The following ITGAL variants were observed in gnomAD, a reference collection of about 807,000 sequenced individuals.
The protein encoded by ITGAL is integrin subunit alpha L, also known as integrin alpha-L.
A neutral mutation model predicts 138.4 loss-of-function variants in ITGAL; 68 were observed. The observed-to-expected ratio is 0.49, with a 90% CI of 0.40 to 0.60. ITGAL has a LOEUF of 0.60. Ranked by LOEUF, ITGAL falls within the 20% of genes least tolerant of loss-of-function variation. The pLI is 0.00. For missense variants in ITGAL, 1,256 were observed against 1,478.6 expected (o/e 0.85, Z 2.47); for synonymous variants, 561 against 584.3 (o/e 0.96, Z 0.57).
At chr16:30,513,901 G>A (rs577224675) in intron 25 of ITGAL, 55 bp downstream of exon 25, 26 of 1,328,840 alleles carry the variant, frequency 2.0e-5, no homozygotes, top group South Asian at 1.4e-4. Flanking sequence ...TCTTTATCCC[G>A]GGGACTGAGG....
At chr16:30,519,759 C>T (rs781434882) in intron 29 of ITGAL, 98 bp from the exon 30 acceptor site, 5 of 781,200 alleles carry the variant, frequency 6.4e-6, no homozygotes, top group Non-Finnish European at 6.9e-6. Flanking sequence ...GCGGGTGATG[C>T]AGTCCGGATA....
chr16:30,494,399 C>CGTA lies in ITGAL; in HGVS notation c.1365+36_1365+37insGTA. 6.4e-7 allele frequency: 1 copy of CGTA among 1,566,586 alleles called. No homozygotes were observed. On this transcript the variant is annotated intron_variant, in intron 12 of 30. Transcript: ENST00000356798. The surrounding 1 kb of genome is among the most constrained non-coding windows in gnomAD (Gnocchi z 4.2). ...TCCGAGGGCATCTGCAGACCAGGGACTGGCGGGACACACATCACACTCCCT... is the reference window on the plus strand; with the variant it reads ...TCCGAGGGCATCTGCAGACCAGGGACGTATGGCGGGACACACATCACACTCCCT...
chr16:30,483,588 G>C (rs889840112), intron 7 of ITGAL, among the ~76,000 whole-genome samples: 2 of 152,292 alleles, frequency 1.3e-5, no homozygotes, highest in East Asian at 3.9e-4. Context: ...TCCTGTCCAT[G>C]GGCTCTGGGA....
chr16:30,512,928 T>G (rs973952119), intron 24 of ITGAL, among the ~76,000 whole-genome samples: 1 of 152,302 alleles, frequency 6.6e-6, no homozygotes, highest in Admixed American at 6.5e-5. Context: ...CTTAAACTCC[T>G]GAACTCAGGT....
intron 2 of ITGAL, 95 bp downstream of exon 2, chr16:30,474,393 G>A (rs1388774745): frequency 7.3e-6 from 6 of 822,994 alleles, no homozygotes; most frequent in African/African-American, 3.4e-5. Context: ...GGGCTAGTCG[G>A]TGGCACGAGG....
At chr16:30,515,844 T>C (rs2151205999) in intron 25 of ITGAL, among the ~76,000 whole-genome samples, 1 of 152,154 alleles carries the variant, frequency 6.6e-6, no homozygotes, top group East Asian at 1.9e-4. Context: ...TGGTGGTGTG[T>C]GCCTGTAGTC....
In ITGAL at chr16:30,519,706, G is replaced by A. The variant is rs892023274; in HGVS notation, c.3229-151G>A. On this transcript the variant is annotated intron_variant, in intron 29 of 30. Transcript: ENST00000356798. ...CCAACTCATGGCAGCGACTGCAATA[G>A]GTGACGTGTTAAAGGGAGAGGGTCT... 8.9e-6 allele frequency: 6 copies of A among 674,846 alleles called. No homozygotes were observed. The East Asian group carries it at 1.5e-4, about 17-fold the overall frequency. The allele number at this position is 674,846 out of a possible 1,614,324, so 41.8% of individuals were successfully genotyped here. A position where few individuals can be genotyped will look rare whatever the true frequency, so the allele number is the denominator to read the frequency against.
intron 21 of ITGAL, among the ~76,000 whole-genome samples, chr16:30,507,230 C>G (rs1353022373): frequency 6.6e-6 from 1 of 151,962 alleles, no homozygotes; most frequent in Non-Finnish European, 1.5e-5. Flanking sequence ...GAGGCCGAGG[C>G]GGGCGGATCA....
In ITGAL at chr16:30,511,056, T is replaced by C; in HGVS notation, c.2706T>C (p.Asn902=). The change falls in exon 24 of 31, where the codon AAT becomes AAC. Residue 902 remains asparagine, a synonymous_variant. Coordinates refer to ENST00000356798, the MANE Select transcript of ITGAL (RefSeq NM_002209.3). ...CTTCCTTGCCCCAATGCAGTAACAA[T>C]GAGGACTCAGACCTCCTGGAGGACA... The part of the protein sequence containing the change: ...VELHANVTCN[N]EDSDLLEDNS... 1 of 1,613,920 alleles carries C rather than the reference T, an allele frequency of 6.2e-7. No homozygotes were observed. The highest frequency in any genetic ancestry group is 8.5e-7 in the Non-Finnish European group (1 of 1,179,872).
intron 17 of ITGAL, among the ~76,000 whole-genome samples, chr16:30,499,733 A>ATGTGTGTATATATATATATATAT: frequency 2.3e-5 from 2 of 88,368 alleles, no homozygotes; most frequent in East Asian, 6.8e-4. Flanking sequence ...ATATATATAT[A>ATGTGTGTATATATATATATATAT]TTTTTTTTTT....
intron 30 of ITGAL, among the ~76,000 whole-genome samples, chr16:30,520,199 C>T (rs960322753): frequency 4.6e-5 from 7 of 152,096 alleles, no homozygotes; most frequent in African/African-American, 1.4e-4. Context: ...CTTTGGAGGC[C>T]GAGGCAGGTG....
At chr16:30,520,401 C>A (rs2051235308) in intron 30 of ITGAL, among the ~76,000 whole-genome samples, 1 of 152,172 alleles carries the variant, frequency 6.6e-6, no homozygotes, top group Non-Finnish European at 1.5e-5. Flanking sequence ...TGCCACTGCG[C>A]TCCAGCCTGG....
intron 9 of ITGAL, 113 bp from the exon 10 acceptor site, chr16:30,488,969 G>A: frequency 1.1e-6 from 1 of 877,792 alleles, no homozygotes; most frequent in Admixed American, 1.9e-5. Context: ...TCACATGCAT[G>A]CCTTCTACCT....
chr16:30,484,445 C>T (rs566023135), intron 9 of ITGAL, among the ~76,000 whole-genome samples, 182 bp downstream of exon 9: 1 of 151,110 alleles, frequency 6.6e-6, no homozygotes, highest in South Asian at 2.1e-4. Context: ...CCCATCTATA[C>T]TAAAAATACA....
In ITGAL at chr16:30,510,479, C is replaced by T. The variant is rs887930614; in HGVS notation, c.2619+8C>T. 4 of 1,526,678 alleles carry T rather than the reference C, an allele frequency of 2.6e-6. No homozygotes were observed. In the African/African-American group the frequency reaches 5.5e-5, roughly 21 times the overall value. 94.6% of individuals were successfully genotyped at this position (1,526,678 alleles called of 1,614,324 possible). A position where few individuals can be genotyped will look rare whatever the true frequency, so the allele number is the denominator to read the frequency against. On this transcript the variant is annotated splice_region_variant and intron_variant, in intron 22 of 30. Coordinates refer to ENST00000356798, the MANE Select transcript of ITGAL (RefSeq NM_002209.3). ...TTCAAAGCAGGCCACTCGGTGAGTG[C>T]TTCAAGTCTCCAGGGACCAAGCAGC...
rs375600477 is a variant in ITGAL at position 30,474,239 on chromosome 16, C to T, written c.105C>T (p.Ser35=). The T allele has an allele frequency of 6.2e-7, 1 of 1,609,006 alleles. No homozygotes were observed. Among genetic ancestry groups the T allele is most frequent in the African/African-American group, 1.3e-5 (1 of 74,988 alleles). Reference sequence around the variant, plus strand: ...ACCTGGACGTGCGGGGCGCGCGGAGCTTCTCCCCACCGCGCGCCGGGAGGC... The same window carrying T: ...ACCTGGACGTGCGGGGCGCGCGGAGTTTCTCCCCACCGCGCGCCGGGAGGC... ...SYNLDVRGAR[S]FSPPRAGRHF... Residue 35 remains serine, a synonymous_variant, in exon 2 of 31, where the codon AGC becomes AGT. Transcript: ENST00000356798.
intron 11 of ITGAL, among the ~76,000 whole-genome samples, chr16:30,491,079 GA>G (rs780873743): frequency 1.2e-3 from 166 of 140,012 alleles, no homozygotes; most frequent in Admixed American, 1.4e-3. Context: ...AGGTTGCAGT[GA>G]AAAAAAAAAA....
intron 1 of ITGAL, chr16:30,473,878 G>A (rs2151139537): frequency 2.0e-6 from 1 of 511,068 alleles, no homozygotes; most frequent in Non-Finnish European, 3.8e-6. Context: ...GCCTCTGCCT[G>A]AGAACTTGGT....
At chr16:30,479,962 G>C (rs976475488) in intron 6 of ITGAL, among the ~76,000 whole-genome samples, 4 of 151,122 alleles carry the variant, frequency 2.6e-5, no homozygotes, top group African/African-American at 9.7e-5. Context: ...TTTTCTTTTT[G>C]AGACAGGGTC....
Sources: gnomAD v4.1 joint callset for allele counts (sites outside exome capture counted in the v4.1 genomes callset) on GRCh38, gnomAD v4.1.1 for gene constraint, Gnocchi (gnomAD v3.1) non-coding constraint, MANE v1.5 for transcripts, NCBI Gene and HGNC (gene_info 2026-07-23, HGNC 2026-07-21) for gene names.